SVEP1: variants seen among roughly 807,000 people sequenced by gnomAD.
SVEP1 encodes the protein sushi, von Willebrand factor type A, EGF and pentraxin domain containing 1.
Under a neutral mutation model 367.3 loss-of-function variants are expected in SVEP1, and 164 were observed. That is an observed-to-expected ratio of 0.45 (90% confidence interval 0.39 to 0.51). The LOEUF (loss-of-function observed/expected upper bound fraction) is 0.51. Among genes scored for constraint, SVEP1 ranks in the 20% least tolerant of loss-of-function variants. SVEP1 has a pLI of 0.00. For missense variants in SVEP1, 4,117 were observed against 4,425.3 expected (o/e 0.93, Z 1.98); for synonymous variants, 1,666 against 1,611.6 (o/e 1.03, Z -0.81).
chr9:110,375,887 G>A (rs566910312), intron 45 of SVEP1, among the ~76,000 whole-genome samples: 1 of 148,758 alleles, frequency 6.7e-6, no homozygotes, highest in African/African-American at 2.6e-5. Context: ...TGTGAGAATG[G>A]GAATCAGATA....
chr9:110,411,292 T>C lies in SVEP1; in HGVS notation c.6419A>G (p.Gln2140Arg), dbSNP rs2118504913. The C allele has an allele frequency of 6.2e-7, 1 of 1,614,052 alleles. No individual in the cohort carries two copies. Among genetic ancestry groups the C allele is most frequent in the East Asian group, 2.2e-5 (1 of 44,886 alleles). The part of the protein sequence containing the change: ...GQWNPSPMSI[Q>R]CIPVRCGEPP... ...CTCTCCACACCGCACAGGGATGCAC[T>C]GGATGGACATGGGGGAAGGGTTCCA... The change falls in exon 37 of 48, where the codon CAG becomes CGG. Residue 2140 changes from glutamine to arginine, a missense_variant. Physicochemically the swap from Gln to Arg is conservative, Grantham distance 43 (BLOSUM62 1). Transcript: ENST00000374469.
chr9:110,413,736 T>C (rs774877197), intron 36 of SVEP1, among the ~76,000 whole-genome samples: 1 of 151,914 alleles, frequency 6.6e-6, no homozygotes, highest in Non-Finnish European at 1.5e-5. Flanking sequence ...AAGATTAGGA[T>C]ATACAGTATT....
chr9:110,380,621 G>C (rs1228662216), intron 43 of SVEP1, among the ~76,000 whole-genome samples: 2 of 152,112 alleles, frequency 1.3e-5, no homozygotes, highest in African/African-American at 2.4e-5. Flanking sequence ...TTTTTGTATT[G>C]ATGTTCATCG....
chr9:110,390,332 TACAC>T (rs373731618), intron 40 of SVEP1, among the ~76,000 whole-genome samples: 571 of 25,456 alleles, frequency 0.022, 63 homozygotes, highest in East Asian at 0.082. Flanking sequence ...TACTTATATA[TACAC>T]ATACTTATAT....
At chr9:110,409,237 A>G (rs1828007320) in intron 37 of SVEP1, among the ~76,000 whole-genome samples, 1 of 152,126 alleles carries the variant, frequency 6.6e-6, no homozygotes, top group South Asian at 2.1e-4. Context: ...GGAGTTCGAG[A>G]CCAGCCTGGC....
Position 110,445,882 on chromosome 9 carries a change from A to G in SVEP1, c.4418T>C (p.Val1473Ala). 6.2e-7 allele frequency: 1 copy of G among 1,613,994 alleles called. No individual in the cohort carries two copies. The highest frequency in any genetic ancestry group is 1.1e-5 in the South Asian group (1 of 91,084). ...MNYGTPISYAVDNGSDNTLLL... is the reference protein window; with the variant it reads ...MNYGTPISYAADNGSDNTLLL... ...CAAGGTATTGTCGCTGCCGTTATCAACTGCATAGGAGATTGGTGTTCCATA... is the reference window on the plus strand; with the variant it reads ...CAAGGTATTGTCGCTGCCGTTATCAGCTGCATAGGAGATTGGTGTTCCATA... Residue 1473 changes from valine to alanine, a missense_variant, in exon 26 of 48, where the codon GTT becomes GCT. Coordinates refer to ENST00000374469, the MANE Select transcript of SVEP1 (RefSeq NM_153366.4).
chr9:110,501,789 G>T (rs117750353), intron 6 of SVEP1, among the ~76,000 whole-genome samples: 1,719 of 151,644 alleles, frequency 0.011, 17 homozygotes, highest in Middle Eastern at 0.024. Flanking sequence ...CTTCTACTAA[G>T]CAACCATACA....
intron 36 of SVEP1, among the ~76,000 whole-genome samples, chr9:110,412,519 G>T (rs1039133592): frequency 3.9e-5 from 6 of 151,966 alleles, no homozygotes; most frequent in African/African-American, 1.5e-4. Context: ...AAAAGCAATG[G>T]CAACAAAAGA....
In SVEP1 at chr9:110,497,081, C is replaced by T. The variant is rs539782408; in HGVS notation, c.1682-148G>A. The T allele has an allele frequency of 7.6e-6, 4 of 527,364 alleles. No homozygotes were observed. The East Asian group carries it at 1.2e-4, about 16-fold the overall frequency. The allele number at this position is 527,364 out of a possible 1,614,324, so 32.7% of individuals were successfully genotyped here. A position where few individuals can be genotyped will look rare whatever the true frequency, so the allele number is the denominator to read the frequency against. On this transcript the variant is annotated intron_variant, in intron 7 of 47. Transcript: ENST00000374469. ...ATTGTTCGGAATCTGCACCCACCTG[C>T]TTTCCTGATCATTTATCTCAGCATG...
In SVEP1 at chr9:110,469,166, T is replaced by C. The variant is rs1430468923; in HGVS notation, c.2999-65A>G. 6 of 1,477,280 alleles carry C rather than the reference T, an allele frequency of 4.1e-6. No homozygotes were observed. The African/African-American group carries it at 7.0e-5, about 17-fold the overall frequency. 91.5% of individuals were successfully genotyped at this position (1,477,280 alleles called of 1,614,324 possible). A position where few individuals can be genotyped will look rare whatever the true frequency, so the allele number is the denominator to read the frequency against. On this transcript the variant is annotated intron_variant, in intron 16 of 47. Coordinates refer to ENST00000374469, the MANE Select transcript of SVEP1 (RefSeq NM_153366.4). ...ACGGTGGAACACACTGGGCTTTTTTTTCCTAAGACATGAAAGTAATAAAGC... is the reference window on the plus strand; with the variant it reads ...ACGGTGGAACACACTGGGCTTTTTTCTCCTAAGACATGAAAGTAATAAAGC...
chr9:110,466,370 A>G (rs1828936686), intron 17 of SVEP1, among the ~76,000 whole-genome samples: 2 of 152,178 alleles, frequency 1.3e-5, no homozygotes, highest in Admixed American at 1.3e-4. Flanking sequence ...GTTCATGTAG[A>G]AGTTCTCAAT....
chr9:110,550,135 T>C (rs1297592895), intron 1 of SVEP1, 31 bp from the exon 2 acceptor site: 1 of 1,612,030 alleles, frequency 6.2e-7, no homozygotes, highest in Non-Finnish European at 8.5e-7. Context: ...TTAATATGAG[T>C]GTGTACTGTC....
At chr9:110,443,382 TCTAATAACCC>T in intron 27 of SVEP1, 153 bp downstream of exon 27, 1 of 625,108 alleles carries the variant, frequency 1.6e-6, no homozygotes, top group Non-Finnish European at 2.4e-6. Context: ...GAAAAAAGCT[TCTAATAACCC>T]ACAGTTAGGA....
chr9:110,511,485 T>C (rs1393649855), intron 5 of SVEP1, among the ~76,000 whole-genome samples: 2 of 128,230 alleles, frequency 1.6e-5, no homozygotes, highest in African/African-American at 3.0e-5. Context: ...ATTGTGTCAG[T>C]ACCTTTTTTT....
At chr9:110,445,140 A>C (rs946158258) in intron 26 of SVEP1, among the ~76,000 whole-genome samples, 1 of 152,192 alleles carries the variant, frequency 6.6e-6, no homozygotes, top group Non-Finnish European at 1.5e-5. Context: ...CACATGTTTA[A>C]AAAAGCAGTG....
At chr9:110,490,753 A>G (rs1305751323) in intron 8 of SVEP1, among the ~76,000 whole-genome samples, 1 of 152,126 alleles carries the variant, frequency 6.6e-6, no homozygotes, top group Non-Finnish European at 1.5e-5. Context: ...TATATTAAAT[A>G]TCATCAATTT....
chr9:110,489,639 A>C lies in SVEP1; in HGVS notation c.1930+11T>G. 6.2e-7 allele frequency: 1 copy of C among 1,608,776 alleles called. No homozygotes were observed. Among genetic ancestry groups the C allele is most frequent in the Non-Finnish European group, 8.5e-7 (1 of 1,177,106 alleles). On this transcript the variant is annotated intron_variant, in intron 9 of 47. Transcript: ENST00000374469. Reference sequence around the variant, plus strand: ...GTTTGGATGGGGAAACAACCAAACTATATCACTTACCAATAACCTTGATAT... The same window carrying C: ...GTTTGGATGGGGAAACAACCAAACTCTATCACTTACCAATAACCTTGATAT...
At chr9:110,380,872 T>C (rs1203925284) in intron 43 of SVEP1, among the ~76,000 whole-genome samples, 1 of 152,178 alleles carries the variant, frequency 6.6e-6, no homozygotes, top group Non-Finnish European at 1.5e-5. Flanking sequence ...TCAGAACTAG[T>C]TATTGGTCTA....
chr9:110,443,058 G>A (rs1828538125), intron 27 of SVEP1: 1 of 152,360 alleles, frequency 6.6e-6, no homozygotes, highest in Non-Finnish European at 1.5e-5. Context: ...GTACAATGCT[G>A]AGAACCTGGG....
Sources: gnomAD v4.1 joint callset for allele counts (sites outside exome capture counted in the v4.1 genomes callset) on GRCh38, gnomAD v4.1.1 for gene constraint, MANE v1.5 for transcripts, NCBI Gene and HGNC (gene_info 2026-07-23, HGNC 2026-07-21) for gene names.